Variants in JAK2 observed in about 807,000 individuals in gnomAD.
JAK2 encodes the protein tyrosine-protein kinase JAK2.
In JAK2, 86 loss-of-function variants were observed where a neutral mutation model predicts 139.3. That is an observed-to-expected ratio of 0.62 (90% CI 0.52 to 0.74). The LOEUF (loss-of-function observed/expected upper bound fraction) is 0.74, where lower values mean the gene tolerates loss of function less well. JAK2 is among the 30% of genes least tolerant of loss of function. JAK2 has a pLI of 0.00. For synonymous variants in JAK2, 490 were observed against 437.7 expected, an observed-to-expected ratio of 1.12 and a Z score of -1.49; for missense variants, 1,421 against 1,360.3, an observed-to-expected ratio of 1.04 and a Z score of -0.70.
intron 22 of JAK2, chr9:5,112,441 G>A (rs1822683820): frequency 1.7e-5 from 9 of 526,924 alleles, no homozygotes; most frequent in Middle Eastern, 3.2e-4. Flanking sequence ...CACTCAAGAG[G>A]AGAAGAAGGA....
At chr9:5,112,161 G>A (rs1013874905) in intron 22 of JAK2, 2 of 283,856 alleles carry the variant, frequency 7.0e-6, no homozygotes, top group Non-Finnish European at 1.4e-5. Context: ...TGCACACGCT[G>A]CTACCCGGCC....
chr9:5,042,804 G>A (rs892016800), intron 4 of JAK2, among the ~76,000 whole-genome samples: 1 of 152,196 alleles, frequency 6.6e-6, no homozygotes, highest in African/African-American at 2.4e-5. Context: ...GGAACGGAGG[G>A]GTGGGGCCGC....
At chr9:5,037,277 A>C (rs1312069594) in intron 4 of JAK2, among the ~76,000 whole-genome samples, 1 of 152,180 alleles carries the variant, frequency 6.6e-6, no homozygotes, top group Non-Finnish European at 1.5e-5. Flanking sequence ...AACTAGTTCA[A>C]CCATTGTGGA....
chr9:4,989,154 A>T (rs761509360), intron 2 of JAK2, among the ~76,000 whole-genome samples: 1 of 152,196 alleles, frequency 6.6e-6, no homozygotes, highest in African/African-American at 2.4e-5. Flanking sequence ...AAGATAGTCT[A>T]TTATCAATCC....
chr9:5,101,323 A>C (rs980059122), intron 22 of JAK2, among the ~76,000 whole-genome samples: 3 of 152,240 alleles, frequency 2.0e-5, no homozygotes, highest in Admixed American at 2.0e-4. Context: ...GCAGCCTGGC[A>C]GGCGGAGGGG....
intron 19 of JAK2, chr9:5,085,757 C>T: frequency 1.3e-6 from 1 of 754,616 alleles, no homozygotes. Flanking sequence ...GGCTAGCTTG[C>T]ACATGTCGGG....
intron 8 of JAK2, among the ~76,000 whole-genome samples, chr9:5,061,581 T>C (rs1211099350): frequency 6.6e-6 from 1 of 152,254 alleles, no homozygotes; most frequent in Non-Finnish European, 1.5e-5. Flanking sequence ...TTTAAGAGCA[T>C]TAGGGTCTTG....
chr9:5,072,598 TGGA>T lies in JAK2; in HGVS notation c.1749_1751del (p.Asp584del). ...GAAACAGAAGTTCTTTTAAAAGTTCTGGATAAAGCACACAGAAACTATTCAGAG... is the reference window on the plus strand; with the variant it reads ...GAAACAGAAGTTCTTTTAAAAGTTCTTAAAGCACACAGAAACTATTCAGAG... On this transcript the variant is annotated inframe_deletion, in exon 13 of 25. Coordinates refer to ENST00000381652, the MANE Select transcript of JAK2 (RefSeq NM_004972.4). 6.2e-7 allele frequency: 1 copy of T among 1,609,140 alleles called. No homozygotes were observed. Among genetic ancestry groups the T allele is most frequent in the East Asian group, 2.2e-5 (1 of 44,754 alleles).
intron 4 of JAK2, among the ~76,000 whole-genome samples, chr9:5,037,836 C>A (rs924592630): frequency 6.6e-6 from 1 of 151,988 alleles, no homozygotes; most frequent in African/African-American, 2.4e-5. Flanking sequence ...TGCACATGTA[C>A]CCTAAAACTT....
rs758780829 is a variant in JAK2 at position 5,055,681 on chromosome 9, T to C, written c.949T>C (p.Tyr317His). The C allele has an allele frequency of 1.2e-5, 19 of 1,574,384 alleles. No individual in the cohort carries two copies. The highest frequency in any genetic ancestry group is 1.7e-5 in the Admixed American group (1 of 59,174). ...ETLTEQDLQL[Y>H]CDFPNIIDVS... ...CTTTTAATTATAGGATTTACAGTTA[T>C]ATTGCGATTTTCCTAATATTATTGA... Residue 317 changes from tyrosine to histidine, a missense_variant, in exon 8 of 25, where the codon TAT becomes CAT. Coordinates refer to ENST00000381652, the MANE Select transcript of JAK2 (RefSeq NM_004972.4).
chr9:5,007,798 G>A (rs1164923742), intron 2 of JAK2, among the ~76,000 whole-genome samples: 1 of 151,600 alleles, frequency 6.6e-6, no homozygotes, highest in African/African-American at 2.4e-5. Context: ...CTGAGCCTTG[G>A]CTCACTGCAA....
chr9:5,081,900 T>G (rs370918805), intron 19 of JAK2, 39 bp downstream of exon 19: 25 of 1,527,362 alleles, frequency 1.6e-5, no homozygotes, highest in Non-Finnish European at 2.2e-5. Flanking sequence ...GTATAATCAT[T>G]TCATTTAGGA....
intron 4 of JAK2, among the ~76,000 whole-genome samples, chr9:5,043,013 G>A (rs796821865): frequency 2.6e-5 from 4 of 152,214 alleles, no homozygotes; most frequent in African/African-American, 9.6e-5. Flanking sequence ...GCGTCGCGCG[G>A]CTCGGCCCCT....
rs2130608243 is a variant in JAK2, at chr9:5,080,600, T to A, written c.2351T>A (p.Ile784Lys). ...APKWAELANL[I>K]NNCMDYEPDF... ...AAGTGGGCAGAATTAGCAAACCTTA[T>A]AAATAATTGTATGGATTATGAACCA... Residue 784 changes from isoleucine (I) to lysine (K), a missense_variant, in exon 18 of 25, where the codon ATA becomes AAA. Ile to Lys is a moderately radical substitution (Grantham distance 102). Coordinates refer to ENST00000381652, the MANE Select transcript of JAK2 (RefSeq NM_004972.4). 1 of 1,608,296 alleles carries A rather than the reference T, an allele frequency of 6.2e-7. No homozygotes were observed. The highest frequency in any genetic ancestry group is 8.5e-7 in the Non-Finnish European group (1 of 1,178,344).
At chr9:5,016,802 A>G (rs1419627253) in intron 2 of JAK2, among the ~76,000 whole-genome samples, 1 of 152,070 alleles carries the variant, frequency 6.6e-6, no homozygotes, top group East Asian at 1.9e-4. Flanking sequence ...TTTTTTCACC[A>G]TGAGAAAGAA....
chr9:4,991,858 G>C (rs1247872617), intron 2 of JAK2, among the ~76,000 whole-genome samples: 1 of 151,962 alleles, frequency 6.6e-6, no homozygotes, highest in Non-Finnish European at 1.5e-5. Context: ...GCCTTCAAGG[G>C]CTTTACCATT....
intron 2 of JAK2, among the ~76,000 whole-genome samples, chr9:4,998,323 C>G (rs1820708249): frequency 1.3e-5 from 2 of 152,056 alleles, no homozygotes; most frequent in South Asian, 4.1e-4. Flanking sequence ...GTGGCATTAT[C>G]TCAGCTCACT....
chr9:5,110,251 T>G (rs1822341576), intron 22 of JAK2: 1 of 152,222 alleles, frequency 6.6e-6, no homozygotes, highest in African/African-American at 2.4e-5. Flanking sequence ...CTCATCCGCT[T>G]CTACCCTTTA....
chr9:5,032,049 T>G (rs1005745296), intron 4 of JAK2, among the ~76,000 whole-genome samples: 2 of 152,102 alleles, frequency 1.3e-5, no homozygotes, highest in Non-Finnish European at 2.9e-5. Context: ...GAAAATCGGG[T>G]CACTCCCACT....
Sources: gnomAD v4.1 joint callset for allele counts (sites outside exome capture counted in the v4.1 genomes callset) on GRCh38, gnomAD v4.1.1 for gene constraint, MANE v1.5 for transcripts, NCBI Gene and HGNC (gene_info 2026-07-23, HGNC 2026-07-21) for gene names.